The following RBPJ variants were observed in gnomAD, a reference collection of about 807,000 sequenced individuals.
RBPJ encodes recombination signal binding protein for immunoglobulin kappa J region.
In RBPJ, 9 loss-of-function variants were observed where a neutral mutation model predicts 67.8. The ratio of observed to expected loss-of-function variants is 0.13; its 90% CI spans 0.08 to 0.23. The LOEUF (loss-of-function observed/expected upper bound fraction) is 0.23. Among genes scored for constraint, RBPJ ranks in the 10% least tolerant of loss-of-function variants. The pLI, the probability that RBPJ is intolerant of heterozygous loss-of-function variation, is 1.00. For missense variants in RBPJ, 305 were observed against 595.6 expected (o/e 0.51, Z 5.08); for synonymous variants, 198 against 203.3 (o/e 0.97, Z 0.22).
In RBPJ at chr4:26,244,892, G is replaced by A. The variant is rs575489687; in HGVS notation, c.-167+81278G>A. 3.9e-4 allele frequency among the ~76,000 whole-genome samples: 59 copies of A among 151,870 alleles called. No individual in the cohort carries two copies. In the South Asian group the frequency reaches 7.7e-3, roughly 20 times the overall value. On this transcript the variant is annotated intron_variant, in intron 1 of 4. Coordinates refer to the RBPJ transcript ENST00000512351. ...CAAATGATCTGCCTGCCTCAGCCTC[G>A]CAAAGTGCTAGGATTACAGGCATGA...
At chr4:26,245,433 T>C (rs1010752746) in intron 1 of RBPJ, among the ~76,000 whole-genome samples, 1 of 152,048 alleles carries the variant, frequency 6.6e-6, no homozygotes, top group South Asian at 2.1e-4. Flanking sequence ...GGTCTTGAAC[T>C]CCTGACCTTG....
intron 1 of RBPJ, among the ~76,000 whole-genome samples, chr4:26,324,437 T>C (rs916872683): frequency 2.6e-5 from 4 of 151,726 alleles, no homozygotes; most frequent in South Asian, 2.1e-4. Flanking sequence ...GTGTAAGAGA[T>C]TGAAGTTCTG....
chr4:26,284,496 T>A (rs1315043896), intron 1 of RBPJ, among the ~76,000 whole-genome samples: 3 of 152,226 alleles, frequency 2.0e-5, no homozygotes, highest in African/African-American at 4.8e-5. Flanking sequence ...TGAGACTGAG[T>A]CTCGCTCTGT....
chr4:26,170,727 A>G (rs1411697320), intron 1 of RBPJ, among the ~76,000 whole-genome samples: 1 of 152,232 alleles, frequency 6.6e-6, no homozygotes, highest in Admixed American at 6.5e-5. Flanking sequence ...TTAAGAAATA[A>G]GATTAAATGA....
At chr4:26,210,800 T>A (rs1439406499) in intron 1 of RBPJ, among the ~76,000 whole-genome samples, 1 of 149,268 alleles carries the variant, frequency 6.7e-6, no homozygotes, top group Non-Finnish European at 1.5e-5. Flanking sequence ...TCTTTCTTTC[T>A]TTCTTTCTTT....
chr4:26,157,510 T>C, the RBPJ span, among the ~76,000 whole-genome samples: 1 of 152,232 alleles, frequency 6.6e-6, no homozygotes, highest in African/African-American at 2.4e-5. Flanking sequence ...GCTTATTTAC[T>C]TTCAAAGAAA....
At position 26,424,412 on chromosome 4, in the gene RBPJ, C is replaced by T. The variant is rs761864927; in HGVS notation, c.567C>T (p.Tyr189=). The T allele has an allele frequency of 1.2e-6, 2 of 1,614,028 alleles. No homozygotes were observed. Among genetic ancestry groups the T allele is most frequent in the South Asian group, 2.2e-5 (2 of 91,074 alleles). Residue 189 remains tyrosine, a synonymous_variant, in exon 6 of 11, where the codon TAC becomes TAT. Transcript: ENST00000355476. The surrounding 1 kb of genome is among the most constrained non-coding windows in gnomAD (Gnocchi z 5.3). ...GATCCCAGACAGTTAGTACCAGATACTTGCATGTAGAAGGAGGTAATTTTC... is the reference window on the plus strand; with the variant it reads ...GATCCCAGACAGTTAGTACCAGATATTTGCATGTAGAAGGAGGTAATTTTC... ...RLRSQTVSTR[Y]LHVEGGNFHA...
intron 1 of RBPJ, among the ~76,000 whole-genome samples, chr4:26,193,866 T>A (rs1208243064): frequency 6.6e-6 from 1 of 152,114 alleles, no homozygotes; most frequent in African/African-American, 2.4e-5. Flanking sequence ...CCTATTGCCT[T>A]CTCAGCCTCT....
intron 1 of RBPJ, among the ~76,000 whole-genome samples, chr4:26,293,911 C>T (rs1018862419): frequency 6.6e-6 from 1 of 151,924 alleles, no homozygotes; most frequent in African/African-American, 2.4e-5. Context: ...GCATGTGCCA[C>T]CACACTCAGC....
At chr4:26,256,410 G>A (rs1447048544) in intron 1 of RBPJ, among the ~76,000 whole-genome samples, 1 of 152,168 alleles carries the variant, frequency 6.6e-6, no homozygotes, top group East Asian at 1.9e-4. Flanking sequence ...GGAGATAATA[G>A]GAGATAGTGA....
At chr4:26,159,923 CTT>C (rs1553843605), upstream of RBPJ, among the ~76,000 whole-genome samples, 2 of 141,308 alleles carry the variant, frequency 1.4e-5, no homozygotes, top group Admixed American at 7.0e-5. Flanking sequence ...CTCTCTCTCT[CTT>C]TTTTTTTTTT....
intron 1 of RBPJ, among the ~76,000 whole-genome samples, chr4:26,287,147 A>G (rs1179554219): frequency 6.6e-6 from 1 of 152,156 alleles, no homozygotes; most frequent in Non-Finnish European, 1.5e-5. Flanking sequence ...AAGAGCTAGC[A>G]TGCTACGGTA....
chr4:26,120,546 A>G, the RBPJ span, among the ~76,000 whole-genome samples: 1 of 152,114 alleles, frequency 6.6e-6, no homozygotes, highest in Non-Finnish European at 1.5e-5. Context: ...CATACTATCC[A>G]AACAGCAAAT....
intron 1 of RBPJ, among the ~76,000 whole-genome samples, chr4:26,366,980 C>T (rs968959144): frequency 7.9e-5 from 12 of 151,210 alleles, no homozygotes; most frequent in Non-Finnish European, 1.6e-4. Flanking sequence ...AAAAATTAGC[C>T]AGGCATGGTG....
At chr4:26,320,907 G>A (rs1267354695), upstream of RBPJ, 2 of 1,595,710 alleles carry the variant, frequency 1.3e-6, no homozygotes, top group Non-Finnish European at 1.7e-6. Context: ...AGGGGAAAGG[G>A]AGCGCGGGGG....
At chr4:26,365,171 A>G (rs1728500253) in intron 1 of RBPJ, among the ~76,000 whole-genome samples, 1 of 152,062 alleles carries the variant, frequency 6.6e-6, no homozygotes, top group Admixed American at 6.6e-5. Context: ...TTAAGTGTTG[A>G]TGATTATTAA....
chr4:26,303,440 GAAA>G (rs61104406), intron 1 of RBPJ, among the ~76,000 whole-genome samples: 2 of 75,746 alleles, frequency 2.6e-5, no homozygotes, highest in Non-Finnish European at 5.4e-5. Flanking sequence ...ACTCCAGTCT[GAAA>G]AAAAAAAAAA....
At chr4:26,257,139 T>C (rs749797553) in intron 1 of RBPJ, among the ~76,000 whole-genome samples, 13 of 152,230 alleles carry the variant, frequency 8.5e-5, no homozygotes, top group Non-Finnish European at 1.8e-4. Context: ...CTATACTATA[T>C]GTATTACTTG....
chr4:26,293,508 T>G (rs1473791848), intron 1 of RBPJ, among the ~76,000 whole-genome samples: 1 of 149,640 alleles, frequency 6.7e-6, no homozygotes, highest in Non-Finnish European at 1.5e-5. Flanking sequence ...TGGTGGCACA[T>G]GCCTAAAGTC....
Sources: gnomAD v4.1 joint callset for allele counts (sites outside exome capture counted in the v4.1 genomes callset) on GRCh38, gnomAD v4.1.1 for gene constraint, Gnocchi (gnomAD v3.1) non-coding constraint, MANE v1.5 for transcripts, NCBI Gene and HGNC (gene_info 2026-07-23, HGNC 2026-07-21) for gene names.